The following TARBP1 variants were observed in gnomAD, a reference collection of about 807,000 sequenced individuals.
The protein encoded by TARBP1 is tRNA guanosine 2 -O-methyltransferase TARBP1.
TARBP1 carries 144 observed loss-of-function variants against 178.6 expected under a neutral mutation model. That is an observed-to-expected ratio of 0.81 (90% confidence interval 0.70 to 0.93). The LOEUF (loss-of-function observed/expected upper bound fraction) is 0.93. TARBP1 is among the 40% of genes least tolerant of loss of function. The pLI is 0.00. For missense variants in TARBP1, 2,067 were observed against 2,011.7 expected, an observed-to-expected ratio of 1.03 and a Z score of -0.53; for synonymous variants, 787 against 781.0, an observed-to-expected ratio of 1.01 and a Z score of -0.13.
At chr1:234,450,370 A>T in intron 10 of TARBP1, 58 bp downstream of exon 10, 1 of 1,437,572 alleles carries the variant, frequency 7.0e-7, no homozygotes, top group Non-Finnish European at 9.4e-7. Flanking sequence ...AAAACTAGTT[A>T]AAAGTTCTTT....
At chr1:234,428,735 G>A (rs990759002) in intron 17 of TARBP1, among the ~76,000 whole-genome samples, 2 of 152,046 alleles carry the variant, frequency 1.3e-5, no homozygotes, top group Non-Finnish European at 2.9e-5. Context: ...TAGTAAAGAC[G>A]GGGTTTTGCC....
At chr1:234,424,953 C>T (rs934045943) in intron 20 of TARBP1, among the ~76,000 whole-genome samples, 3 of 151,844 alleles carry the variant, frequency 2.0e-5, no homozygotes, top group African/African-American at 7.3e-5. Flanking sequence ...CCCAGCTACT[C>T]GGGAGGCTGA....
At position 234,472,798 on chromosome 1, in the gene TARBP1, A is replaced by C; in HGVS notation, c.945T>G (p.Phe315Leu). Residue 315 changes from phenylalanine to leucine, a missense_variant, in exon 2 of 30, where the codon TTT becomes TTG. Phe to Leu is a conservative substitution (Grantham distance 22). Transcript: ENST00000040877. ...CATCTTTTTTCCTCTCAGACCACCA[A>C]AACAGACTTGGGCCTGATATGGTTT... Reference protein sequence around the residue: ...GPQEGNGPSLFWWSERKKDEL... With the variant: ...GPQEGNGPSLLWWSERKKDEL... The C allele has an allele frequency of 6.3e-7, 1 of 1,597,876 alleles. No individual in the cohort carries two copies. The highest frequency in any genetic ancestry group is 2.2e-5 in the East Asian group (1 of 44,578).
chr1:234,445,277 TG>T (rs1420040196), intron 12 of TARBP1, among the ~76,000 whole-genome samples: 3 of 152,240 alleles, frequency 2.0e-5, no homozygotes, highest in African/African-American at 7.2e-5. Context: ...CACTAACCTC[TG>T]GACATTGAAG....
intron 14 of TARBP1, 129 bp from the exon 15 acceptor site, chr1:234,430,430 A>G: frequency 1.3e-6 from 1 of 752,158 alleles, no homozygotes; most frequent in Non-Finnish European, 2.1e-6. Flanking sequence ...GAATATCAGG[A>G]GAAATAAAAG....
At chr1:234,395,717 G>T (rs1659867709) in intron 26 of TARBP1, among the ~76,000 whole-genome samples, 1 of 152,182 alleles carries the variant, frequency 6.6e-6, no homozygotes, top group African/African-American at 2.4e-5. Context: ...TCAAGTTGGG[G>T]ACATTAATAA....
chr1:234,459,918 TA>T (rs1667677621), intron 7 of TARBP1, among the ~76,000 whole-genome samples: 1 of 152,206 alleles, frequency 6.6e-6, no homozygotes, highest in Admixed American at 6.5e-5. Context: ...AAATATTTTT[TA>T]AATACTTTCT....
chr1:234,472,156 G>A (rs568315971), intron 2 of TARBP1, among the ~76,000 whole-genome samples: 1 of 152,172 alleles, frequency 6.6e-6, no homozygotes, highest in African/African-American at 2.4e-5. Flanking sequence ...GGCCAACATG[G>A]TGGAACCCCA....
In TARBP1 at chr1:234,430,085, A is replaced by G; in HGVS notation, c.2609+2T>C. ...ATTTTTAAGCCTTAACCTTCCCTGT[A>G]CCTGCTGCACTCCAAGGGGTGAGCA... is the stretch of plus-strand genomic sequence containing the variant. On this transcript the variant is annotated splice_donor_variant, in intron 15 of 29. Coordinates refer to ENST00000040877, the MANE Select transcript of TARBP1 (RefSeq NM_005646.4). LOFTEE classifies it high-confidence loss of function. 1 of 1,608,974 alleles carries G rather than the reference A, an allele frequency of 6.2e-7. No individual in the cohort carries two copies. Among genetic ancestry groups the G allele is most frequent in the Non-Finnish European group, 8.5e-7 (1 of 1,175,816 alleles).
At chr1:234,474,593 T>C (rs1405885293) in intron 1 of TARBP1, among the ~76,000 whole-genome samples, 1 of 152,228 alleles carries the variant, frequency 6.6e-6, no homozygotes, top group Non-Finnish European at 1.5e-5. Flanking sequence ...AAACAGTTCC[T>C]GTATAAATAA....
In TARBP1 at chr1:234,418,089, A is replaced by G; in HGVS notation, c.3700T>C (p.Ser1234Pro). 2.2e-6 allele frequency: 3 copies of G among 1,346,590 alleles called. No homozygotes were observed. Among genetic ancestry groups the G allele is most frequent in the Non-Finnish European group, 3.0e-6 (3 of 1,008,394 alleles). The allele number at this position is 1,346,590 out of a possible 1,614,324, so 83.4% of individuals were successfully genotyped here. A position where few individuals can be genotyped will look rare whatever the true frequency, so the allele number is the denominator to read the frequency against. ...AAAAAATATTCTTTACTTACATAAG[A>G]AAAACAATCCCAGAACTTTGGAAGA... Reference protein sequence around the residue: ...QFLPKFWDCFSYGEENLKTSI... With the variant: ...QFLPKFWDCFPYGEENLKTSI... Residue 1234 changes from serine to proline, a missense_variant, in exon 22 of 30, where the codon TCT becomes CCT. By Grantham distance (74) the Ser-to-Pro change is moderately conservative (BLOSUM62 -1). Coordinates refer to ENST00000040877, the MANE Select transcript of TARBP1 (RefSeq NM_005646.4).
intron 20 of TARBP1, 38 bp downstream of exon 20, chr1:234,425,635 G>A: frequency 1.3e-6 from 2 of 1,593,000 alleles, no homozygotes; most frequent in South Asian, 1.1e-5. Context: ...ACCTCTGACT[G>A]TTAAAAACAA....
chr1:234,462,175 C>T (rs1284438841), intron 6 of TARBP1, among the ~76,000 whole-genome samples: 1 of 152,200 alleles, frequency 6.6e-6, no homozygotes, highest in Admixed American at 6.5e-5. Flanking sequence ...TGGCAATGGC[C>T]AAGTTTCTAT....
intron 8 of TARBP1, among the ~76,000 whole-genome samples, chr1:234,458,060 G>A (rs537737388): frequency 1.3e-5 from 2 of 151,694 alleles, no homozygotes; most frequent in South Asian, 4.2e-4. Context: ...ATCAAAATGT[G>A]AGGACAGGCG....
intron 23 of TARBP1, among the ~76,000 whole-genome samples, chr1:234,408,983 AT>A (rs1182724786): frequency 6.6e-6 from 1 of 152,214 alleles, no homozygotes; most frequent in Non-Finnish European, 1.5e-5. Flanking sequence ...CTCAGTACAG[AT>A]CCCACATGCA....
At chr1:234,406,546 T>C (rs1661262682) in intron 23 of TARBP1, 1 of 173,250 alleles carries the variant, frequency 5.8e-6, no homozygotes, top group African/African-American at 2.4e-5. Context: ...CACAAAGTGC[T>C]GTCCTCCTCC....
chr1:234,435,862 C>T (rs58003728), intron 13 of TARBP1, among the ~76,000 whole-genome samples: 20,420 of 152,112 alleles, frequency 0.13, 1,527 homozygotes, highest in Middle Eastern at 0.26. Context: ...CATTGGTAGG[C>T]TGAAATCGGC....
chr1:234,394,907 T>C (rs754888226), intron 26 of TARBP1, among the ~76,000 whole-genome samples: 1 of 151,838 alleles, frequency 6.6e-6, no homozygotes, highest in Non-Finnish European at 1.5e-5. Context: ...CTGGCCAACA[T>C]GGTGAAACCC....
intron 6 of TARBP1, among the ~76,000 whole-genome samples, chr1:234,463,550 T>C (rs879494534): frequency 3.3e-5 from 5 of 152,194 alleles, no homozygotes; most frequent in Non-Finnish European, 7.3e-5. Context: ...TACCAATTCT[T>C]GAAACTGAAT....
Sources: gnomAD v4.1 joint callset for allele counts (sites outside exome capture counted in the v4.1 genomes callset) on GRCh38, gnomAD v4.1.1 for gene constraint, MANE v1.5 for transcripts, NCBI Gene and HGNC (gene_info 2026-07-23, HGNC 2026-07-21) for gene names.